The following NCALD variants were observed in gnomAD, a reference collection of about 807,000 sequenced individuals.
NCALD encodes the protein neurocalcin delta.
In NCALD, 10 loss-of-function variants were observed where a neutral mutation model predicts 18.6. That is an observed-to-expected ratio of 0.54 (90% CI 0.33 to 0.91). The LOEUF (loss-of-function observed/expected upper bound fraction) is 0.91. Among genes scored for constraint, NCALD ranks in the 40% least tolerant of loss-of-function variants. The pLI, the probability that NCALD is intolerant of heterozygous loss-of-function variation, is 0.03. For synonymous variants in NCALD, 88 were observed against 87.4 expected, an observed-to-expected ratio of 1.01 and a Z score of -0.04; for missense variants, 184 against 247.6, an observed-to-expected ratio of 0.74 and a Z score of 1.72.
chr8:102,085,942 T>C (rs1445509202), intron 1 of NCALD, among the ~76,000 whole-genome samples: 1 of 152,212 alleles, frequency 6.6e-6, no homozygotes, highest in Non-Finnish European at 1.5e-5. Context: ...TATATGGTCA[T>C]CTGATTTCCT....
intron 1 of NCALD, among the ~76,000 whole-genome samples, chr8:102,084,322 A>G (rs1040693680): frequency 6.6e-6 from 1 of 152,222 alleles, no homozygotes; most frequent in Non-Finnish European, 1.5e-5. Context: ...GCCTCTTCAG[A>G]AGAAGTAATT....
intron 2 of NCALD, among the ~76,000 whole-genome samples, chr8:101,705,602 A>G (rs1434679772): frequency 6.6e-6 from 1 of 152,154 alleles, no homozygotes; most frequent in Non-Finnish European, 1.5e-5. Context: ...GTAGGGGTGG[A>G]CAGGAGAAGT....
intron 1 of NCALD, among the ~76,000 whole-genome samples, chr8:102,114,074 T>G (rs940382138): frequency 6.6e-6 from 1 of 152,256 alleles, no homozygotes; most frequent in Non-Finnish European, 1.5e-5. Flanking sequence ...ACAAGCATGA[T>G]GCCCACGTGA....
chr8:101,794,330 G>A (rs562655155), upstream of NCALD, among the ~76,000 whole-genome samples: 2 of 152,064 alleles, frequency 1.3e-5, no homozygotes, highest in East Asian at 1.9e-4. Flanking sequence ...TCAACTATTG[G>A]GAAATAAATG....
intron 2 of NCALD, among the ~76,000 whole-genome samples, chr8:101,713,063 T>A (rs1815886306): frequency 6.6e-6 from 1 of 151,990 alleles, no homozygotes; most frequent in African/African-American, 2.4e-5. Context: ...AGAATGGAAA[T>A]CATAACAAAC....
At chr8:101,880,773 G>T (rs1816462215) in intron 4 of NCALD, among the ~76,000 whole-genome samples, 1 of 152,158 alleles carries the variant, frequency 6.6e-6, no homozygotes, top group South Asian at 2.1e-4. Flanking sequence ...GAATTTGAGG[G>T]GTAGAAATCA....
intron 1 of NCALD, chr8:102,123,901 G>C (rs1306490706): frequency 6.5e-6 from 1 of 152,790 alleles, no homozygotes; most frequent in Non-Finnish European, 1.5e-5. Flanking sequence ...TCTGCCCAGC[G>C]CGCCCCATCC....
At chr8:101,993,664 C>G (rs974586030) in intron 2 of NCALD, among the ~76,000 whole-genome samples, 2 of 152,196 alleles carry the variant, frequency 1.3e-5, no homozygotes, top group Non-Finnish European at 2.9e-5. Context: ...CCCTACTACT[C>G]CAGGCTGCTC....
intron 1 of NCALD, among the ~76,000 whole-genome samples, chr8:101,741,398 A>G (rs1810176737): frequency 6.6e-6 from 1 of 152,186 alleles, no homozygotes; most frequent in Non-Finnish European, 1.5e-5. Flanking sequence ...GTGATCTAAG[A>G]AGAGGAGACT....
At chr8:102,097,651 T>C (rs1825146654) in intron 1 of NCALD, among the ~76,000 whole-genome samples, 1 of 152,198 alleles carries the variant, frequency 6.6e-6, no homozygotes, top group South Asian at 2.1e-4. Context: ...CTGGCAATCA[T>C]CAATAACCTC....
intron 1 of NCALD, among the ~76,000 whole-genome samples, chr8:101,778,192 G>A (rs945997577): frequency 5.3e-5 from 8 of 152,238 alleles, no homozygotes; most frequent in Non-Finnish European, 2.9e-5. Flanking sequence ...CCTCCTGTGA[G>A]CCGAACTGCC....
At chr8:101,759,655 A>G (rs531802854) in intron 1 of NCALD, among the ~76,000 whole-genome samples, 1 of 152,278 alleles carries the variant, frequency 6.6e-6, no homozygotes, top group South Asian at 2.1e-4. Context: ...GGAACAGGGA[A>G]CTGCATTACT....
At chr8:101,978,821 A>G (rs116444627) in intron 2 of NCALD, among the ~76,000 whole-genome samples, 2,567 of 152,316 alleles carry the variant, frequency 0.017, 80 homozygotes, top group African/African-American at 0.057. Context: ...AGAAAGCAAG[A>G]AACGAAGAAA....
chr8:101,789,722 T>C (rs1451680703), intron 1 of NCALD, among the ~76,000 whole-genome samples: 2 of 152,158 alleles, frequency 1.3e-5, no homozygotes, highest in Non-Finnish European at 2.9e-5. Context: ...AATTTGCCCC[T>C]TTTTCTGTTA....
At position 102,106,424 on chromosome 8, in the gene NCALD, G is replaced by A. The variant is rs548588520; in HGVS notation, c.-210+17813C>T. Among the ~76,000 whole-genome samples, 173 of 145,510 alleles carry A rather than the reference G, an allele frequency of 1.2e-3. 2 individuals are homozygous for A. Among genetic ancestry groups the A allele is most frequent in the South Asian group, 1.7e-3 (8 of 4,670 alleles). ...GTATAAATATATTTTTACACAGTAC[G>A]TGTAAAACTATTAGCATATAGTATA... On this transcript the variant is annotated intron_variant, in intron 1 of 6. Coordinates refer to the NCALD transcript ENST00000311028.
chr8:101,952,124 C>T (rs1310483347), intron 2 of NCALD, among the ~76,000 whole-genome samples: 2 of 152,214 alleles, frequency 1.3e-5, no homozygotes, highest in African/African-American at 4.8e-5. Flanking sequence ...CAAGTGGGAA[C>T]CGACTGCTGA....
intron 4 of NCALD, among the ~76,000 whole-genome samples, chr8:101,852,321 C>T (rs1815131365): frequency 6.6e-6 from 1 of 152,190 alleles, no homozygotes; most frequent in South Asian, 2.1e-4. Flanking sequence ...CCTTTTATGT[C>T]CACCTCTGAA....
At chr8:101,692,474 C>A (rs1183402788) in intron 3 of NCALD, 1 of 985,470 alleles carries the variant, frequency 1.0e-6, no homozygotes, top group Non-Finnish European at 1.2e-6. Context: ...ATAGCCTAGG[C>A]CTGTCCCAAG....
At chr8:102,077,488 G>A (rs1179906414) in intron 1 of NCALD, among the ~76,000 whole-genome samples, 1 of 152,130 alleles carries the variant, frequency 6.6e-6, no homozygotes, top group African/African-American at 2.4e-5. Context: ...TAAAAAGTCT[G>A]TAAAAATGAG....
Sources: gnomAD v4.1 joint callset for allele counts (sites outside exome capture counted in the v4.1 genomes callset) on GRCh38, gnomAD v4.1.1 for gene constraint, MANE v1.5 for transcripts, NCBI Gene and HGNC (gene_info 2026-07-23, HGNC 2026-07-21) for gene names.